CRELD1: variants seen among roughly 807,000 people sequenced by gnomAD.
CRELD1 encodes protein disulfide isomerase CRELD1.
In CRELD1, 42 loss-of-function variants were observed where a neutral mutation model predicts 58.2. That is an observed-to-expected ratio of 0.72 (90% CI 0.56 to 0.93). CRELD1 has a LOEUF of 0.93. CRELD1 is among the 40% of genes least tolerant of loss of function. The pLI is 0.00. For synonymous variants in CRELD1, 222 were observed against 202.0 expected (o/e 1.10, Z -0.84); for missense variants, 500 against 540.6 (o/e 0.92, Z 0.74).
chr3:9,944,785 G>A lies in CRELD1; in HGVS notation c.*206G>A. 1 of 601,582 alleles carries A rather than the reference G, an allele frequency of 1.7e-6. No homozygotes were observed. Among genetic ancestry groups the A allele is most frequent in the Non-Finnish European group, 3.0e-6 (1 of 337,226 alleles). 37.3% of individuals were successfully genotyped at this position (601,582 alleles called of 1,614,324 possible). On this transcript the variant is annotated 3_prime_UTR_variant, in exon 11 of 11. Coordinates refer to ENST00000452070, the MANE Select transcript of CRELD1 (RefSeq NM_001077415.3). ...GTAGCCCTGAAGGTGGATACCATGA[G>A]CTCTTCACCTGGCGGGGACTGGCAG... is the stretch of plus-strand genomic sequence containing the variant.
Position 9,934,933 on chromosome 3 carries a change from G to T in CRELD1, c.257+16G>T. Reference sequence around the variant, plus strand: ...ACAAAGACAGGTAAGGGGCTGCTGGGGGAAGGGGTGTATATTCCCCTCCCC... The same window carrying T: ...ACAAAGACAGGTAAGGGGCTGCTGGTGGAAGGGGTGTATATTCCCCTCCCC... On this transcript the variant is annotated intron_variant, in intron 3 of 10. Transcript: ENST00000452070. 6.3e-7 allele frequency: 1 copy of T among 1,599,056 alleles called. No individual in the cohort carries two copies. The highest frequency in any genetic ancestry group is 2.2e-5 in the East Asian group (1 of 44,572).
Position 9,945,067 on chromosome 3 carries a change from C to T in CRELD1, c.*488C>T, listed in dbSNP as rs1271527475. On this transcript the variant is annotated 3_prime_UTR_variant, in exon 11 of 11. Transcript: ENST00000452070. Reference sequence around the variant, plus strand: ...CTTACTACCTGTCCCACCACCCCCACCTTAGGGAAATGTCCTAGAATCCTG... The same window carrying T: ...CTTACTACCTGTCCCACCACCCCCATCTTAGGGAAATGTCCTAGAATCCTG... The T allele has an allele frequency of 1.5e-5, 3 of 194,506 alleles. No individual in the cohort carries two copies. The highest frequency in any genetic ancestry group is 3.3e-5 in the Non-Finnish European group (3 of 91,956). 12.0% of individuals were successfully genotyped at this position (194,506 alleles called of 1,614,324 possible).
At chr3:9,942,165 G>A (rs1468006280) in intron 7 of CRELD1, among the ~76,000 whole-genome samples, 4 of 152,042 alleles carry the variant, frequency 2.6e-5, no homozygotes, top group African/African-American at 9.7e-5. Flanking sequence ...CAGCTACTCG[G>A]GAGGCAGAGG....
At chr3:9,944,088 T>A (rs2085451326) in intron 10 of CRELD1, 1 of 793,542 alleles carries the variant, frequency 1.3e-6, no homozygotes, top group Non-Finnish European at 2.3e-6. Flanking sequence ...GGAACGAGAC[T>A]CATACACGTA....
At chr3:9,937,525 G>T (rs1559335458) in intron 3 of CRELD1, 37 bp from the exon 4 acceptor site, 1 of 1,394,100 alleles carries the variant, frequency 7.2e-7, no homozygotes. Context: ...GGGTGGGGTG[G>T]GGCATGTTTC....
intron 4 of CRELD1, 97 bp downstream of exon 4, chr3:9,937,769 C>T (rs149631051): frequency 1.1e-6 from 1 of 907,682 alleles, no homozygotes; most frequent in Non-Finnish European, 1.8e-6. Flanking sequence ...ATGCTGGGGC[C>T]CATGTCCTGG....
At chr3:9,940,451 C>T (rs1379072211) in intron 5 of CRELD1, among the ~76,000 whole-genome samples, 1 of 152,080 alleles carries the variant, frequency 6.6e-6, no homozygotes, top group East Asian at 1.9e-4. Context: ...GGATCACTCG[C>T]GTTTAGGAGC....
intron 7 of CRELD1, 86 bp from the exon 8 acceptor site, chr3:9,942,727 C>A: frequency 9.6e-7 from 1 of 1,045,912 alleles, no homozygotes; most frequent in Non-Finnish European, 1.5e-6. Context: ...CATTTAATCC[C>A]AGGCAAGACC....
At chr3:9,940,047 G>A (rs1031525039) in intron 5 of CRELD1, among the ~76,000 whole-genome samples, 1 of 151,954 alleles carries the variant, frequency 6.6e-6, no homozygotes, top group African/African-American at 2.4e-5. Flanking sequence ...GCCGGGCGGA[G>A]GGGCTCCTCA....
chr3:9,934,371 G>A (rs556055450), intron 1 of CRELD1, 49 bp from the exon 2 acceptor site: 53 of 1,418,974 alleles, frequency 3.7e-5, no homozygotes, highest in Admixed American at 6.7e-5. Flanking sequence ...TCTTTCTCGC[G>A]TGGGGCCTGA....
chr3:9,945,103 G>T lies in CRELD1; in HGVS notation c.*524G>T, dbSNP rs573632531. 2 of 192,448 alleles carry T rather than the reference G, an allele frequency of 1.0e-5. No individual in the cohort carries two copies. The highest frequency in any genetic ancestry group is 2.2e-5 in the Non-Finnish European group (2 of 91,010). 11.9% of individuals were successfully genotyped at this position (192,448 alleles called of 1,614,324 possible). On this transcript the variant is annotated 3_prime_UTR_variant, in exon 11 of 11. Transcript: ENST00000452070. ...TGTCCTAGAATCCTGGGAAATTGAG[G>T]GCTTCTTTGATGGTGAGTGGAGAAA...
At chr3:9,943,724 C>G in intron 10 of CRELD1, 3 of 985,426 alleles carry the variant, frequency 3.0e-6, no homozygotes, top group Non-Finnish European at 3.6e-6. Flanking sequence ...GGAATCAGAC[C>G]TGGCATCAAA....
At position 9,943,514 on chromosome 3, in the gene CRELD1, A is replaced by T. The variant is rs1468784801; in HGVS notation, c.1047A>T (p.Pro349=). 1.2e-6 allele frequency: 2 copies of T among 1,614,074 alleles called. No individual in the cohort carries two copies. Among genetic ancestry groups the T allele is most frequent in the Non-Finnish European group, 1.7e-6 (2 of 1,179,998 alleles). The change falls in exon 10 of 11, where the codon CCA becomes CCT. Residue 349 remains proline, a splice_region_variant and synonymous_variant. Coordinates refer to ENST00000452070, the MANE Select transcript of CRELD1 (RefSeq NM_001077415.3). ...GCATCTGTGTGAAGGAGCAGATCCC[A>T]GGTGAGCCCTGGGGCGGGAGAGGGG... ...MEGICVKEQI[P]ESAGFFSEMT... is the part of the protein sequence containing the mutation.
intron 10 of CRELD1, chr3:9,943,946 C>T (rs745362252): frequency 1.7e-5 from 24 of 1,442,224 alleles, no homozygotes; most frequent in Admixed American, 3.3e-5. Context: ...AACAACCCGA[C>T]GCTGGAAGTT....
In CRELD1 at chr3:9,937,649, G is replaced by C. The variant is rs2085233176; in HGVS notation, c.345G>C (p.Leu115=). Residue 115 remains leucine, a synonymous_variant, in exon 4 of 11, where the codon CTG becomes CTC. Coordinates refer to ENST00000452070, the MANE Select transcript of CRELD1 (RefSeq NM_001077415.3). ...CHRLLELSEE[L]VESWWFHKQQ... The stretch of plus-strand genomic sequence containing the variant: ...GCCTGCTGGAGCTGAGTGAGGAGCT[G>C]GTGGAGAGCTGGTGGTTTCACAAGT... The C allele has an allele frequency of 6.2e-7, 1 of 1,609,406 alleles. No homozygotes were observed. Among genetic ancestry groups the C allele is most frequent in the Non-Finnish European group, 8.5e-7 (1 of 1,178,512 alleles).
intron 5 of CRELD1, among the ~76,000 whole-genome samples, chr3:9,939,287 A>G (rs1031742600): frequency 6.6e-6 from 1 of 152,252 alleles, no homozygotes; most frequent in African/African-American, 2.4e-5. Flanking sequence ...TTCTTCTCCA[A>G]AAATGTTTAC....
At chr3:9,940,358 T>G (rs1385589177) in intron 5 of CRELD1, among the ~76,000 whole-genome samples, 1 of 152,006 alleles carries the variant, frequency 6.6e-6, no homozygotes, top group Non-Finnish European at 1.5e-5. Flanking sequence ...ATCACGCCAC[T>G]GCACTCCAGC....
intron 2 of CRELD1, 92 bp downstream of exon 2, chr3:9,934,704 T>C (rs545818129): frequency 1.4e-5 from 21 of 1,537,934 alleles, no homozygotes; most frequent in African/African-American, 1.2e-4. Context: ...AAGTTTCATC[T>C]TGGTCTCTTA....
At chr3:9,941,606 T>A (rs138995323) in intron 7 of CRELD1, among the ~76,000 whole-genome samples, 1 of 151,794 alleles carries the variant, frequency 6.6e-6, no homozygotes, top group Non-Finnish European at 1.5e-5. Context: ...CTGGCTAACA[T>A]GGTGAAACCC....
Sources: gnomAD v4.1 joint callset for allele counts (sites outside exome capture counted in the v4.1 genomes callset) on GRCh38, gnomAD v4.1.1 for gene constraint, MANE v1.5 for transcripts, NCBI Gene and HGNC (gene_info 2026-07-23, HGNC 2026-07-21) for gene names.